RNF212B: variants seen among roughly 807,000 people sequenced by gnomAD.
RNF212B encodes the protein E3 ubiquitin-protein ligase RNF212B.
Under a neutral mutation model 55.5 loss-of-function variants are expected in RNF212B, and 52 were observed. That is an observed-to-expected ratio of 0.94 (90% confidence interval 0.75 to 1.18). The LOEUF is 1.18. Ranked by LOEUF, RNF212B falls within the 50% of genes most tolerant of loss-of-function variation. The pLI, the probability that RNF212B is intolerant of heterozygous loss-of-function variation, is 0.00. For missense variants in RNF212B, 289 were observed against 350.4 expected, an observed-to-expected ratio of 0.82 and a Z score of 1.40; for synonymous variants, 99 against 121.4, an observed-to-expected ratio of 0.82 and a Z score of 1.21.
chr14:23,247,916 A>G (rs1187091046), intron 4 of RNF212B, among the ~76,000 whole-genome samples: 1 of 152,190 alleles, frequency 6.6e-6, no homozygotes, highest in Non-Finnish European at 1.5e-5. Flanking sequence ...CTGGGCTGCT[A>G]TAATAAAATA....
intron 2 of RNF212B, among the ~76,000 whole-genome samples, chr14:23,231,692 C>T (rs945532681): frequency 2.0e-5 from 3 of 151,984 alleles, no homozygotes; most frequent in Non-Finnish European, 2.9e-5. Flanking sequence ...GATGCTGAGC[C>T]GAAGCTGGAC....
intron 2 of RNF212B, among the ~76,000 whole-genome samples, chr14:23,212,403 C>A (rs1880611473): frequency 6.6e-6 from 1 of 152,084 alleles, no homozygotes; most frequent in African/African-American, 2.4e-5. Flanking sequence ...TCACAGACGG[C>A]ATGATTATCT....
chr14:23,226,283 C>T (rs1214684090), intron 2 of RNF212B, among the ~76,000 whole-genome samples: 2 of 84,704 alleles, frequency 2.4e-5, no homozygotes, highest in Non-Finnish European at 4.5e-5. Context: ...GGCGACAGAG[C>T]AAGAAACCGT....
intron 2 of RNF212B, among the ~76,000 whole-genome samples, chr14:23,199,250 T>A (rs1202235540): frequency 6.6e-6 from 1 of 152,198 alleles, no homozygotes; most frequent in Non-Finnish European, 1.5e-5. Flanking sequence ...AATCAATATA[T>A]GTAAGAAGTA....
intron 2 of RNF212B, among the ~76,000 whole-genome samples, chr14:23,217,410 CCT>C (rs982405449): frequency 6.6e-6 from 1 of 152,208 alleles, no homozygotes; most frequent in African/African-American, 2.4e-5. Context: ...TCTCTGGACA[CCT>C]CTGAGTCCTG....
intron 2 of RNF212B, among the ~76,000 whole-genome samples, chr14:23,202,128 G>A (rs1375144671): frequency 6.6e-6 from 1 of 151,774 alleles, no homozygotes; most frequent in East Asian, 1.9e-4. Flanking sequence ...GTGTGCACTT[G>A]TAATCCCAGC....
chr14:23,193,907 T>C (rs1391784528), intron 2 of RNF212B, among the ~76,000 whole-genome samples: 1 of 152,128 alleles, frequency 6.6e-6, no homozygotes, highest in Non-Finnish European at 1.5e-5. Flanking sequence ...AGTGGCGCGA[T>C]CTTGGCTCAC....
intron 5 of RNF212B, among the ~76,000 whole-genome samples, chr14:23,258,974 C>T (rs1401950745): frequency 1.3e-5 from 2 of 151,108 alleles, no homozygotes; most frequent in African/African-American, 4.9e-5. Context: ...CACTTGAGGC[C>T]AGGAGAAGAT....
At chr14:23,257,728 G>A (rs1594940971) in intron 4 of RNF212B, among the ~76,000 whole-genome samples, 1 of 152,196 alleles carries the variant, frequency 6.6e-6, no homozygotes, top group Admixed American at 6.5e-5. Flanking sequence ...GGTAAAGTGA[G>A]GCAAAATAAA....
At chr14:23,235,423 C>A (rs901990749), upstream of RNF212B, among the ~76,000 whole-genome samples, 5 of 152,066 alleles carry the variant, frequency 3.3e-5, no homozygotes, top group Admixed American at 1.3e-4. Flanking sequence ...TCACTTTTTT[C>A]ATGGAATACT....
intron 1 of RNF212B, among the ~76,000 whole-genome samples, chr14:23,238,553 C>G (rs900141672): frequency 6.6e-6 from 1 of 151,574 alleles, no homozygotes; most frequent in Non-Finnish European, 1.5e-5. Flanking sequence ...CACAGAGAGG[C>G]CTTGTCTCTA....
chr14:23,234,909 C>G (rs981925672), upstream of RNF212B, among the ~76,000 whole-genome samples: 1 of 151,992 alleles, frequency 6.6e-6, no homozygotes, highest in African/African-American at 2.4e-5. Flanking sequence ...GACCTTGTCT[C>G]TTAAAAAAAT....
At chr14:23,187,807 A>G (rs1295068444) in intron 1 of RNF212B, among the ~76,000 whole-genome samples, 1 of 152,182 alleles carries the variant, frequency 6.6e-6, no homozygotes, top group Admixed American at 6.5e-5. Context: ...ATTAAAGCCA[A>G]CTTTCTTCCC....
At chr14:23,233,519 A>T (rs2140424284), upstream of RNF212B, among the ~76,000 whole-genome samples, 1 of 142,912 alleles carries the variant, frequency 7.0e-6, no homozygotes, top group East Asian at 2.1e-4. Context: ...TGAGCCCAGG[A>T]GTCTGAGACC....
upstream of RNF212B, among the ~76,000 whole-genome samples, chr14:23,233,976 A>G (rs929657090): frequency 6.6e-6 from 1 of 152,150 alleles, no homozygotes; most frequent in Non-Finnish European, 1.5e-5. Flanking sequence ...GTGTGCCTGT[A>G]GTTCCAGCTA....
intron 1 of RNF212B, among the ~76,000 whole-genome samples, chr14:23,186,279 G>A (rs1403817432): frequency 1.3e-5 from 2 of 152,006 alleles, no homozygotes; most frequent in Non-Finnish European, 2.9e-5. Flanking sequence ...AGAAAGAAAA[G>A]CCTTGGTGTA....
At chr14:23,218,601 T>C (rs1247295457) in intron 2 of RNF212B, among the ~76,000 whole-genome samples, 2 of 151,870 alleles carry the variant, frequency 1.3e-5, no homozygotes, top group East Asian at 3.9e-4. Flanking sequence ...AGAAGTGAGA[T>C]GCTGTCTCAA....
At chr14:23,216,567 TAA>T (rs112463333) in intron 2 of RNF212B, among the ~76,000 whole-genome samples, 5 of 141,102 alleles carry the variant, frequency 3.5e-5, no homozygotes, top group African/African-American at 2.6e-5. Flanking sequence ...TTATGCTAAG[TAA>T]AAAAAAAAAA....
At chr14:23,218,367 CAAAA>C (rs35628249) in intron 2 of RNF212B, among the ~76,000 whole-genome samples, 1 of 94,296 alleles carries the variant, frequency 1.1e-5, no homozygotes, top group East Asian at 3.5e-4. Flanking sequence ...GAGTCTATCT[CAAAA>C]AAAAAAATAA....
Sources: allele counts gnomAD v4.1 joint callset (sites outside exome capture counted in the v4.1 genomes callset), GRCh38; gene constraint gnomAD v4.1.1; transcripts MANE v1.5; gene names NCBI Gene and HGNC (gene_info 2026-07-23, HGNC 2026-07-21).